LZTS3: variants seen among roughly 807,000 people sequenced by gnomAD.
The protein encoded by LZTS3 is leucine zipper putative tumor suppressor 3.
LZTS3 carries 16 observed loss-of-function variants against 50.9 expected under a neutral mutation model. The observed-to-expected ratio is 0.31, with a 90% CI of 0.21 to 0.48. The LOEUF is 0.48. Ranked by LOEUF, LZTS3 falls within the 20% of genes least tolerant of loss-of-function variation. LZTS3 has a pLI of 0.99. For synonymous variants in LZTS3, 408 were observed against 410.6 expected (o/e 0.99, Z 0.08); for missense variants, 816 against 931.0 (o/e 0.88, Z 1.61).
In LZTS3 at chr20:3,166,024, C is replaced by A; in HGVS notation, c.796G>T (p.Gly266Trp). 6.2e-7 allele frequency: 1 copy of A among 1,612,554 alleles called. No homozygotes were observed. Among genetic ancestry groups the A allele is most frequent in the East Asian group, 2.2e-5 (1 of 44,882 alleles). ...CCCAGGTCCTGGTAGCCCGACCCCC[C>A]ACCGCTGCTGCCGCCACTACCACTA... ...YGSGSGGSSG[G>W]GSGYQDLGTS... is the part of the protein sequence containing the mutation. The change falls in exon 4 of 5, where the codon GGG becomes TGG. Residue 266 changes from glycine to tryptophan, a missense_variant. By Grantham distance (184) the Gly-to-Trp change is radical. Transcript: ENST00000337576.
At chr20:3,167,516 C>T in intron 2 of LZTS3, 2 of 1,068,904 alleles carry the variant, frequency 1.9e-6, no homozygotes, top group South Asian at 4.4e-5. Context: ...GCTTCCCAGG[C>T]TCAGTGACCC....
At chr20:3,173,198 G>T (rs1255650302) in intron 1 of LZTS3, among the ~76,000 whole-genome samples, 1 of 152,126 alleles carries the variant, frequency 6.6e-6, no homozygotes, top group Non-Finnish European at 1.5e-5. Flanking sequence ...CAACGCGTGT[G>T]GCCCCGGGGG....
rs138764263 is a variant in LZTS3, at chr20:3,166,283, G to A, written c.537C>T (p.Cys179=). Residue 179 remains cysteine (C), a synonymous_variant, in exon 4 of 5, where the codon TGC becomes TGT. Transcript: ENST00000337576. ...CAGGAGTCCCATTGGTCTGCGGGGG[G>A]CACAAATTCTGCATGGAGTGGAAAT... The part of the protein sequence containing the change: ...PKNFHSMQNL[C]PPQTNGTPEG... The A allele has an allele frequency of 1.0e-3, 1,694 of 1,613,682 alleles. 10 individuals carry two copies. Among genetic ancestry groups the A allele is most frequent in the Middle Eastern group, 2.6e-3 (16 of 6,082 alleles).
Position 3,164,377 on chromosome 20 carries a change from G to C in LZTS3, c.*77C>G. 4 of 1,426,798 alleles carry C rather than the reference G, an allele frequency of 2.8e-6. No individual in the cohort carries two copies. The highest frequency in any genetic ancestry group is 3.7e-6 in the Non-Finnish European group (4 of 1,069,206). 88.4% of individuals were successfully genotyped at this position (1,426,798 alleles called of 1,614,324 possible). A position where few individuals can be genotyped will look rare whatever the true frequency, so the allele number is the denominator to read the frequency against. ...GGGGTTATGGGGTCTATGGGGAAGA[G>C]AGATGGAGGGGAGGGGACACTGGGG... On this transcript the variant is annotated 3_prime_UTR_variant, in exon 5 of 5. Coordinates refer to ENST00000337576, the MANE Select transcript of LZTS3 (RefSeq NM_001365618.1).
rs561407817 is a variant in LZTS3 at position 3,163,520 on chromosome 20, G to A, written c.*934C>T. 1 of 152,868 alleles carries A rather than the reference G, an allele frequency of 6.5e-6. No individual in the cohort carries two copies. Among genetic ancestry groups the A allele is most frequent in the South Asian group, 2.1e-4 (1 of 4,832 alleles). 9.5% of individuals were successfully genotyped at this position (152,868 alleles called of 1,614,324 possible). A position where few individuals can be genotyped will look rare whatever the true frequency, so the allele number is the denominator to read the frequency against. On this transcript the variant is annotated 3_prime_UTR_variant, in exon 5 of 5. Transcript: ENST00000337576. This position sits in a 1 kb window ranked among gnomAD's most constrained non-coding sequence, Gnocchi z 5.2. The stretch of plus-strand genomic sequence containing the variant: ...AGATGATGTGCTGAGCATGAAAGCA[G>A]AAAGAGGCTGGGGGAATAGAGTGCG...
rs774343318 is a variant in LZTS3, at chr20:3,164,795, C to T, written c.1681G>A (p.Glu561Lys). The T allele has an allele frequency of 5.3e-5, 82 of 1,533,390 alleles. No homozygotes were observed. The highest frequency in any genetic ancestry group is 6.7e-5 in the Non-Finnish European group (76 of 1,142,762). 95.0% of individuals were successfully genotyped at this position (1,533,390 alleles called of 1,614,324 possible). ...AAASLVSVDG[E>K]AEAGGESGTR... ...CCGCTCTCCCCGCCAGCCTCCGCCT[C>T]CCCGTCCACGGAAACCAAGGAGGCG... The change falls in exon 5 of 5, where the codon GAG becomes AAG. Residue 561 changes from glutamate (E) to lysine (K), a missense_variant. Around this residue, in one of 3 missense-constraint regions of LZTS3, gnomAD observed 700 missense variants for 769.4 expected, o/e 0.91. Transcript: ENST00000337576.
rs1180552579 is a variant in LZTS3 at position 3,164,933 on chromosome 20, C to T, written c.1543G>A (p.Ala515Thr). 6.5e-7 allele frequency: 1 copy of T among 1,549,498 alleles called. No individual in the cohort carries two copies. The highest frequency in any genetic ancestry group is 8.7e-7 in the Non-Finnish European group (1 of 1,153,798). The change falls in exon 5 of 5, where the codon GCC becomes ACC. Residue 515 changes from alanine to threonine, a missense_variant. By Grantham distance (58) the Ala-to-Thr change is moderately conservative (BLOSUM62 0). Coordinates refer to ENST00000337576, the MANE Select transcript of LZTS3 (RefSeq NM_001365618.1). ...LELGEGELPA[A>T]CLKPALTPVD... ...GGGGTCAGCGCCGGCTTGAGGCAGG[C>T]GGCAGGCAGCTCGCCTTCGCCCAGC...
Position 3,164,533 on chromosome 20 carries a change from G to C in LZTS3, c.1943C>G (p.Thr648Arg). ...CTCCTCGCCATGCTGGGGAGTGGGC[G>C]TGCTTGCACCCCCTGCGGCCCCGCG... is the stretch of plus-strand genomic sequence containing the variant. ...RERGAAGGASTPTPQHGEEKK... is the reference protein window; with the variant it reads ...RERGAAGGASRPTPQHGEEKK... The change falls in exon 5 of 5, where the codon ACG becomes AGG. Residue 648 changes from threonine to arginine, a missense_variant. Thr to Arg is a moderately conservative substitution (Grantham distance 71). This residue lies in a region of LZTS3 where 107 missense variants were observed against 130.4 expected (regional missense o/e 0.82). Transcript: ENST00000337576. 1.2e-6 allele frequency: 2 copies of C among 1,602,300 alleles called. No individual in the cohort carries two copies. The highest frequency in any genetic ancestry group is 1.7e-6 in the Non-Finnish European group (2 of 1,174,550).
In LZTS3 at chr20:3,165,571, G is replaced by A; in HGVS notation, c.1249C>T (p.Leu417=). 1 of 1,594,292 alleles carries A rather than the reference G, an allele frequency of 6.3e-7. No homozygotes were observed. Among genetic ancestry groups the A allele is most frequent in the South Asian group, 1.1e-5 (1 of 90,136 alleles). The stretch of plus-strand genomic sequence containing the variant: ...TGGCAGGCGGCCACCTTGTCCTCCA[G>A]CTCTTCCCGCTGCCGCATCAGCCGG... ...AARLMRQREE[L]EDKVAACQKE... The change falls in exon 4 of 5, where the codon CTG becomes TTG. Residue 417 remains leucine, a synonymous_variant. Transcript: ENST00000337576. The surrounding 1 kb of genome is among the most constrained non-coding windows in gnomAD (Gnocchi z 5.0).
At position 3,166,923 on chromosome 20, in the gene LZTS3, C is replaced by T. The variant is rs767574580; in HGVS notation, c.241G>A (p.Glu81Lys). 1 of 1,610,650 alleles carries T rather than the reference C, an allele frequency of 6.2e-7. No homozygotes were observed. Among genetic ancestry groups the T allele is most frequent in the Admixed American group, 1.7e-5 (1 of 59,946 alleles). The change falls in exon 3 of 5, where the codon GAG (glutamate) becomes AAG (lysine). Residue 81 changes from glutamate to lysine, a missense_variant. By Grantham distance (56) the Glu-to-Lys change is moderately conservative (BLOSUM62 1). Around this residue, in one of 3 missense-constraint regions of LZTS3, gnomAD observed 700 missense variants for 769.4 expected, o/e 0.91. Transcript: ENST00000337576. ...TCTGAGGGGTAGCGGCCCGGCCTCT[C>T]CCTGCTGGCCCCACTGCCACTGCCT... The part of the protein sequence containing the change: ...PRGSGSGASR[E>K]RPGRYPSEDK...
chr20:3,166,426 C>T, intron 3 of LZTS3, 66 bp from the exon 4 acceptor site: 8 of 1,512,032 alleles, frequency 5.3e-6, no homozygotes, highest in Non-Finnish European at 7.1e-6. Context: ...AGGCTCTTCC[C>T]TCTGGCCAAG....
At chr20:3,171,375 A>G (rs1192799130) in intron 1 of LZTS3, among the ~76,000 whole-genome samples, 1 of 152,054 alleles carries the variant, frequency 6.6e-6, no homozygotes, top group Non-Finnish European at 1.5e-5. Flanking sequence ...AACCCACAGA[A>G]GCTCTCTCTG....
rs1483110185 is a variant in LZTS3, at chr20:3,164,660, G to A, written c.1816C>T (p.Leu606=). 1.2e-6 allele frequency: 2 copies of A among 1,612,468 alleles called. No homozygotes were observed. Among genetic ancestry groups the A allele is most frequent in the South Asian group, 1.1e-5 (1 of 90,866 alleles). Residue 606 remains leucine, a synonymous_variant, in exon 5 of 5, where the codon CTG becomes TTG. Transcript: ENST00000337576. ...TCGATCACCTTCTCCTTCTCCTCCA[G>A]CCACACGCGGCGCTCCTCGGCGAAG... ...ASFAEERRVW[L]EEKEKVIEYQ...
Position 3,163,482 on chromosome 20 carries a change from A to C in LZTS3, c.*972T>G, listed in dbSNP as rs2066760157. On this transcript the variant is annotated 3_prime_UTR_variant, in exon 5 of 5. Coordinates refer to ENST00000337576, the MANE Select transcript of LZTS3 (RefSeq NM_001365618.1). The surrounding 1 kb of genome is among the most constrained non-coding windows in gnomAD (Gnocchi z 5.2). ...AAGAAAAGGTGAGACTTTGGGGAAGAGACTGCCTAGGAAGATGATGTGCTG... is the reference window on the plus strand; with the variant it reads ...AAGAAAAGGTGAGACTTTGGGGAAGCGACTGCCTAGGAAGATGATGTGCTG... 1 of 152,784 alleles carries C rather than the reference A, an allele frequency of 6.5e-6. No individual in the cohort carries two copies. The highest frequency in any genetic ancestry group is 2.4e-5 in the African/African-American group (1 of 41,470). 9.5% of individuals were successfully genotyped at this position (152,784 alleles called of 1,614,324 possible).
In LZTS3 at chr20:3,171,382, T is replaced by C. The variant is rs116554895; in HGVS notation, c.-243+2073A>G. 2.9e-3 allele frequency among the ~76,000 whole-genome samples: 443 copies of C among 152,222 alleles called. 1 individual carries two copies. Among genetic ancestry groups the C allele is most frequent in the African/African-American group, 0.01 (418 of 41,542 alleles). ...TGACTATCAACCCACAGAAGCTCTC[T>C]CTGGAGCCTCACTGCCTAAAGAGCT... On this transcript the variant is annotated intron_variant, in intron 1 of 4. Coordinates refer to ENST00000337576, the MANE Select transcript of LZTS3 (RefSeq NM_001365618.1).
chr20:3,172,129 C>G (rs2066909528), intron 1 of LZTS3, among the ~76,000 whole-genome samples: 1 of 152,178 alleles, frequency 6.6e-6, no homozygotes. Context: ...CTCCCTCCCC[C>G]AGGCAGCTGC....
In LZTS3 at chr20:3,164,963, G is replaced by C; in HGVS notation, c.1513C>G (p.Leu505Val). ...RDSFSSKQAS[L>V]ELGEGELPAA... Reference sequence around the variant, plus strand: ...GGCAGCTCGCCTTCGCCCAGCTCCAGGCTGGCCTGCTTGCTGCTGAAGGAG... The same window carrying C: ...GGCAGCTCGCCTTCGCCCAGCTCCACGCTGGCCTGCTTGCTGCTGAAGGAG... Residue 505 changes from leucine to valine, a missense_variant, in exon 5 of 5, where the codon CTG becomes GTG. Physicochemically the swap from Leu to Val is conservative, Grantham distance 32 (BLOSUM62 1). Coordinates refer to ENST00000337576, the MANE Select transcript of LZTS3 (RefSeq NM_001365618.1). 1 of 1,556,736 alleles carries C rather than the reference G, an allele frequency of 6.4e-7. No homozygotes were observed. Among genetic ancestry groups the C allele is most frequent in the South Asian group, 1.2e-5 (1 of 85,446 alleles).
rs1445071876 is a variant in LZTS3 at position 3,163,102 on chromosome 20, G to T, written c.*1352C>A. 1.3e-5 allele frequency: 2 copies of T among 152,680 alleles called. No homozygotes were observed. Among genetic ancestry groups the T allele is most frequent in the African/African-American group, 4.8e-5 (2 of 41,460 alleles). The allele number at this position is 152,680 out of a possible 1,614,324, so 9.5% of individuals were successfully genotyped here. On this transcript the variant is annotated 3_prime_UTR_variant, in exon 5 of 5. Transcript: ENST00000337576. This position sits in a 1 kb window ranked among gnomAD's most constrained non-coding sequence, Gnocchi z 5.2. ...CCAAAACTCAGTCTTGGGGGTGGGA[G>T]GAAGAGAGTGAAAAAGAGAGAGATA... is the stretch of plus-strand genomic sequence containing the variant.
At chr20:3,171,353 T>C (rs2066900710) in intron 1 of LZTS3, among the ~76,000 whole-genome samples, 1 of 152,122 alleles carries the variant, frequency 6.6e-6, no homozygotes, top group African/African-American at 2.4e-5. Context: ...ACCTGGGGAA[T>C]GCTTGACTAT....
Sources: allele counts gnomAD v4.1 joint callset (sites outside exome capture counted in the v4.1 genomes callset), GRCh38; gene constraint gnomAD v4.1.1; regional missense constraint gnomAD v4.1.1; non-coding constraint Gnocchi (gnomAD v3.1); transcripts MANE v1.5; gene names NCBI Gene and HGNC (gene_info 2026-07-23, HGNC 2026-07-21).